The following FHAD1 variants were observed in gnomAD, a reference collection of about 807,000 sequenced individuals.
FHAD1 encodes the protein forkhead-associated domain-containing protein 1.
In FHAD1, 146 loss-of-function variants were observed where a neutral mutation model predicts 191.3. The ratio of observed to expected loss-of-function variants is 0.76; its 90% CI spans 0.67 to 0.88. The LOEUF (loss-of-function observed/expected upper bound fraction) is 0.88. FHAD1 is among the 40% of genes least tolerant of loss of function. FHAD1 has a pLI of 0.00. For missense variants in FHAD1, 1,635 were observed against 1,785.8 expected, an observed-to-expected ratio of 0.92 and a Z score of 1.52; for synonymous variants, 616 against 672.3, an observed-to-expected ratio of 0.92 and a Z score of 1.29.
At chr1:15,397,123 G>A (rs1424873277) in intron 33 of FHAD1, among the ~76,000 whole-genome samples, 174 bp from the exon 34 acceptor site, 6 of 150,414 alleles carry the variant, frequency 4.0e-5, no homozygotes, top group South Asian at 4.2e-4. Context: ...CCCAGGAGGC[G>A]GAGCTTGCAG....
chr1:15,376,225 G>A (rs958695144), intron 28 of FHAD1, among the ~76,000 whole-genome samples: 1 of 151,870 alleles, frequency 6.6e-6, no homozygotes, highest in Non-Finnish European at 1.5e-5. Context: ...GAGCAGCTGG[G>A]ACTACAGGCA....
chr1:15,344,189 T>C (rs1453437196), intron 16 of FHAD1, among the ~76,000 whole-genome samples: 2 of 152,242 alleles, frequency 1.3e-5, no homozygotes, highest in African/African-American at 2.4e-5. Context: ...AAGTTACCTC[T>C]TGGACTTCAG....
At chr1:15,301,993 T>C (rs1008092573) in intron 6 of FHAD1, among the ~76,000 whole-genome samples, 3 of 151,934 alleles carry the variant, frequency 2.0e-5, no homozygotes, top group South Asian at 2.1e-4. Context: ...CCAGCCTGGG[T>C]GACAGAGTGA....
rs1663877009 is a variant in FHAD1 at position 15,289,767 on chromosome 1, T to TGTAAAATTGTAA, written c.568+101_568+102insGTAAAATTGTAA. The TGTAAAATTGTAA allele has an allele frequency of 2.1e-6, 3 of 1,407,948 alleles. No individual in the cohort carries two copies. Among genetic ancestry groups the TGTAAAATTGTAA allele is most frequent in the Non-Finnish European group, 2.8e-6 (3 of 1,068,940 alleles). The allele number at this position is 1,407,948 out of a possible 1,614,324, so 87.2% of individuals were successfully genotyped here. ...TTCTGATTCTAAAAGTAGAACATAT[T>TGTAAAATTGTAA]CAATTGTAAAAAATGAAAATAAATT... On this transcript the variant is annotated intron_variant, in intron 4 of 33. Transcript: ENST00000688493. This position sits in a 1 kb window ranked among gnomAD's most constrained non-coding sequence, Gnocchi z 4.2.
chr1:15,309,738 C>T (rs1458639349), intron 7 of FHAD1, among the ~76,000 whole-genome samples: 3 of 151,962 alleles, frequency 2.0e-5, no homozygotes, highest in Non-Finnish European at 4.4e-5. Flanking sequence ...TGGCCCAAGA[C>T]CCTTCTTCTT....
chr1:15,351,663 G>A (rs1224245330), intron 19 of FHAD1, among the ~76,000 whole-genome samples: 1 of 152,180 alleles, frequency 6.6e-6, no homozygotes, highest in South Asian at 2.1e-4. Context: ...ACCAAGTAGT[G>A]CATAATAAGA....
At chr1:15,262,364 T>C (rs774761199) in intron 2 of FHAD1, among the ~76,000 whole-genome samples, 17 of 152,202 alleles carry the variant, frequency 1.1e-4, no homozygotes, top group Non-Finnish European at 1.8e-4. Context: ...AGGGCCATTC[T>C]GCTATTATCT....
intron 6 of FHAD1, among the ~76,000 whole-genome samples, chr1:15,303,454 G>A (rs1669441637): frequency 6.6e-6 from 1 of 152,230 alleles, no homozygotes; most frequent in South Asian, 2.1e-4. Flanking sequence ...TTAAGGATGA[G>A]TAACTGTCAC....
chr1:15,353,067 C>T (rs548540346), intron 20 of FHAD1, 83 bp downstream of exon 20: 2 of 985,404 alleles, frequency 2.0e-6, no homozygotes, highest in African/African-American at 1.6e-5. Flanking sequence ...GGGTTCAAAT[C>T]CTACCTCTCC....
At chr1:15,337,880 G>A (rs551221874) in intron 14 of FHAD1, among the ~76,000 whole-genome samples, 2 of 152,296 alleles carry the variant, frequency 1.3e-5, no homozygotes, top group South Asian at 4.1e-4. Flanking sequence ...CCACTGGCCT[G>A]CTGTGTGGCG....
At chr1:15,308,803 A>G in intron 7 of FHAD1, 67 bp downstream of exon 7, 2 of 1,545,082 alleles carry the variant, frequency 1.3e-6, no homozygotes, top group Non-Finnish European at 1.7e-6. Context: ...CACAGCAGAC[A>G]TCACCAATCA....
rs1453286778 is a variant in FHAD1, at chr1:15,362,649, G to C, written c.2970G>C (p.Lys990Asn). 1.3e-6 allele frequency: 2 copies of C among 1,551,742 alleles called. No homozygotes were observed. The highest frequency in any genetic ancestry group is 2.0e-5 in the Admixed American group (1 of 51,012). ...ATLKDNDPAP[K>N]EERPQDPLVA... ...CATGTCCCTCTGATACAGCCCCAAA[G>C]GAGGAAAGGCCGCAAGACCCTCTGG... Residue 990 changes from lysine (K) to asparagine (N), a missense_variant, in exon 23 of 34, where the codon AAG becomes AAC. Physicochemically the swap from Lys to Asn is moderately conservative, Grantham distance 94. Coordinates refer to ENST00000688493, the MANE Select transcript of FHAD1 (RefSeq NM_001391957.1).
At chr1:15,299,750 T>C (rs1402736413) in intron 5 of FHAD1, among the ~76,000 whole-genome samples, 1 of 152,240 alleles carries the variant, frequency 6.6e-6, no homozygotes, top group East Asian at 1.9e-4. Flanking sequence ...AGATGCTCAA[T>C]ACATGTTTGT....
intron 31 of FHAD1, among the ~76,000 whole-genome samples, chr1:15,382,849 T>TGA (rs1284818602): frequency 6.6e-6 from 1 of 152,110 alleles, no homozygotes; most frequent in Non-Finnish European, 1.5e-5. Context: ...ACCAAAGGGA[T>TGA]GAGAGGGTGG....
At chr1:15,387,955 C>T (rs778807652) in intron 31 of FHAD1, 96 bp from the exon 32 acceptor site, 2 of 517,872 alleles carry the variant, frequency 3.9e-6, no homozygotes, top group Non-Finnish European at 6.9e-6. Flanking sequence ...TGAGTCCCAG[C>T]GTCTCCTAGA....
chr1:15,266,012 CA>C (rs1653341186), intron 2 of FHAD1, among the ~76,000 whole-genome samples: 1 of 147,990 alleles, frequency 6.8e-6, no homozygotes, highest in East Asian at 2.0e-4. Context: ...TCTTAGAGCA[CA>C]AAGAAATGTG....
intron 2 of FHAD1, among the ~76,000 whole-genome samples, chr1:15,262,444 G>C (rs1000249676): frequency 1.1e-4 from 17 of 152,188 alleles, no homozygotes; most frequent in African/African-American, 3.9e-4. Context: ...CCACTAGGAA[G>C]TAGGAGAGCT....
intron 2 of FHAD1, among the ~76,000 whole-genome samples, chr1:15,264,677 C>T (rs1157328529): frequency 6.6e-6 from 1 of 151,848 alleles, no homozygotes; most frequent in Non-Finnish European, 1.5e-5. Context: ...TTTTTCTTGT[C>T]TAACTGCTCT....
chr1:15,277,822 T>C (rs1284804688), intron 3 of FHAD1, among the ~76,000 whole-genome samples: 1 of 152,188 alleles, frequency 6.6e-6, no homozygotes, highest in Non-Finnish European at 1.5e-5. Flanking sequence ...CCCCTTGCAG[T>C]TTCTTTTTTG....
Sources: allele counts gnomAD v4.1 joint callset (sites outside exome capture counted in the v4.1 genomes callset), GRCh38; gene constraint gnomAD v4.1.1; non-coding constraint Gnocchi (gnomAD v3.1); transcripts MANE v1.5; gene names NCBI Gene and HGNC (gene_info 2026-07-23, HGNC 2026-07-21).